KCNQ1: variants seen among roughly 807,000 people sequenced by gnomAD.
KCNQ1 encodes potassium voltage-gated channel subfamily KQT member 1.
KCNQ1 carries 49 observed loss-of-function variants against 72.4 expected under a neutral mutation model. That is an observed-to-expected ratio of 0.68 (90% CI 0.54 to 0.86). The LOEUF (loss-of-function observed/expected upper bound fraction) is 0.86. Among genes scored for constraint, KCNQ1 ranks in the 40% least tolerant of loss-of-function variants. The pLI is 0.00. For missense variants in KCNQ1, 790 were observed against 945.1 expected (o/e 0.84, Z 2.15); for synonymous variants, 450 against 412.6 (o/e 1.09, Z -1.10).
At chr11:2,667,579 G>A (rs1262826789) in intron 11 of KCNQ1, 5 of 395,032 alleles carry the variant, frequency 1.3e-5, no homozygotes, top group African/African-American at 2.1e-5. Context: ...GGGGCAGGGG[G>A]TCGGGGCGGG....
intron 11 of KCNQ1, chr11:2,693,240 G>A (rs1416149138): frequency 7.5e-6 from 3 of 398,750 alleles, no homozygotes; most frequent in Non-Finnish European, 1.3e-5. Context: ...ATAGCCCAGG[G>A]CTACCTGTAC....
rs2133706601 is a variant in KCNQ1, at chr11:2,559,840, C to T, written c.478-10788C>T. Among the ~76,000 whole-genome samples, 1 of 152,044 alleles carries T rather than the reference C, an allele frequency of 6.6e-6. No homozygotes were observed. The highest frequency in any genetic ancestry group is 1.5e-5 in the Non-Finnish European group (1 of 67,994). On this transcript the variant is annotated intron_variant, in intron 2 of 15. Transcript: ENST00000155840. The surrounding 1 kb of genome is among the most constrained non-coding windows in gnomAD (Gnocchi z 4.9). Reference sequence around the variant, plus strand: ...CTGCTGCCTGCTTCCTGGGCAGGGGCTCCTTCCTCCCTCTCTGTCTCTGGG... The same window carrying T: ...CTGCTGCCTGCTTCCTGGGCAGGGGTTCCTTCCTCCCTCTCTGTCTCTGGG...
In KCNQ1 at chr11:2,450,185, G is replaced by A. The variant is rs1047917018; in HGVS notation, c.386+4701G>A. The stretch of plus-strand genomic sequence containing the variant: ...TGCTGTGATTCAAGACTCTGTCCAC[G>A]GGCAAGAACAACAAGGCTGGGACAA... On this transcript the variant is annotated intron_variant, in intron 1 of 15. Coordinates refer to ENST00000155840, the MANE Select transcript of KCNQ1 (RefSeq NM_000218.3). The surrounding 1 kb of genome is among the most constrained non-coding windows in gnomAD (Gnocchi z 7.9). Among the ~76,000 whole-genome samples the A allele has an allele frequency of 2.0e-5, 3 of 152,304 alleles. No homozygotes were observed. The highest frequency in any genetic ancestry group is 2.9e-5 in the Non-Finnish European group (2 of 68,020).
At chr11:2,796,533 C>T (rs909050274) in intron 15 of KCNQ1, among the ~76,000 whole-genome samples, 1 of 152,308 alleles carries the variant, frequency 6.6e-6, no homozygotes, top group East Asian at 1.9e-4. Context: ...AAGTAGTCCT[C>T]ATTTCCTCAC....
rs1200376930 is a variant in KCNQ1 at position 2,445,509 on chromosome 11, C to A, written c.386+25C>A. 1.9e-6 allele frequency: 3 copies of A among 1,587,072 alleles called. No homozygotes were observed. In the South Asian group the frequency reaches 3.4e-5, roughly 18 times the overall value. ...TGTGAGTATCGCCACCGGCGACGGC[C>A]GGCACGAAGGTGCTTCCTGAGAGCT... On this transcript the variant is annotated intron_variant, in intron 1 of 15. Transcript: ENST00000155840.
chr11:2,584,774 A>T (rs1285606760), intron 7 of KCNQ1, among the ~76,000 whole-genome samples: 1 of 151,314 alleles, frequency 6.6e-6, no homozygotes, highest in African/African-American at 2.5e-5. Flanking sequence ...CTCTGTAGAC[A>T]CGGAGTTCCC....
At chr11:2,586,634 G>A (rs1374051254) in intron 8 of KCNQ1, among the ~76,000 whole-genome samples, 1 of 152,182 alleles carries the variant, frequency 6.6e-6, no homozygotes. Flanking sequence ...GGGGGACCAC[G>A]TGGAGTGCTC....
In KCNQ1 at chr11:2,549,141, G is replaced by T. The variant is rs1246512120; in HGVS notation, c.477+21123G>T. Among the ~76,000 whole-genome samples the T allele has an allele frequency of 6.6e-6, 1 of 152,184 alleles. No homozygotes were observed. The highest frequency in any genetic ancestry group is 1.5e-5 in the Non-Finnish European group (1 of 68,028). On this transcript the variant is annotated intron_variant, in intron 2 of 15. Transcript: ENST00000155840. The surrounding 1 kb of genome is among the most constrained non-coding windows in gnomAD (Gnocchi z 6.2). ...GGCAGGCTGAGATCTGAGAAGCCAG[G>T]CTAGGGGGTTGTGGAGCAAATGATG...
intron 10 of KCNQ1, among the ~76,000 whole-genome samples, chr11:2,606,140 A>G (rs1848874947): frequency 6.6e-6 from 1 of 152,184 alleles, no homozygotes; most frequent in Admixed American, 6.5e-5. Context: ...GATGTTATAC[A>G]TGGAATTGTT....
intron 11 of KCNQ1, chr11:2,697,340 A>G (rs931900530): frequency 2.5e-6 from 1 of 398,514 alleles, no homozygotes; most frequent in African/African-American, 2.1e-5. Context: ...TATGAGCTAC[A>G]CTAAGTTTTA....
Position 2,668,800 on chromosome 11 carries a change from T to C in KCNQ1, c.1514+6719T>C. ...CTTTTGATGAACAGAAGGTCTTAAT[T>C]TTCATGTGGTCCAGTTAATCAAACA... On this transcript the variant is annotated intron_variant, in intron 11 of 15. Transcript: ENST00000155840. The surrounding 1 kb of genome is among the most constrained non-coding windows in gnomAD (Gnocchi z 4.3). 2.5e-6 allele frequency: 1 copy of C among 398,612 alleles called. No individual in the cohort carries two copies. The allele number at this position is 398,612 out of a possible 1,614,324, so 24.7% of individuals were successfully genotyped here.
chr11:2,840,390 C>T (rs1848182718), intron 15 of KCNQ1: 2 of 152,158 alleles, frequency 1.3e-5, no homozygotes, highest in Admixed American at 6.6e-5. Flanking sequence ...CATTCTAATC[C>T]AGTGGGGAAA....
At chr11:2,533,336 C>T (rs1847673133) in intron 2 of KCNQ1, among the ~76,000 whole-genome samples, 1 of 152,198 alleles carries the variant, frequency 6.6e-6, no homozygotes, top group Non-Finnish European at 1.5e-5. Context: ...GGGGTCCGGC[C>T]GGCACCGTGA....
intron 15 of KCNQ1, among the ~76,000 whole-genome samples, chr11:2,778,472 G>A (rs1471545886): frequency 6.6e-6 from 1 of 152,172 alleles, no homozygotes; most frequent in Non-Finnish European, 1.5e-5. Context: ...AGGGCTCAGG[G>A]AGGTGCAGGG....
At chr11:2,719,496 C>CA (rs1328539438) in intron 11 of KCNQ1, among the ~76,000 whole-genome samples, 51 of 147,544 alleles carry the variant, frequency 3.5e-4, no homozygotes, top group Admixed American at 1.3e-3. Context: ...AACAAACAAA[C>CA]AAACAAAAAA....
intron 15 of KCNQ1, among the ~76,000 whole-genome samples, chr11:2,805,261 G>A (rs1847348804): frequency 6.6e-6 from 1 of 152,310 alleles, no homozygotes; most frequent in East Asian, 1.9e-4. Flanking sequence ...CCTGGCTGGG[G>A]AGAGCAAAGG....
At chr11:2,799,468 TTGTA>T (rs949120939) in intron 15 of KCNQ1, among the ~76,000 whole-genome samples, 2 of 150,812 alleles carry the variant, frequency 1.3e-5, no homozygotes, top group South Asian at 2.1e-4. Context: ...TGTGGTGTGT[TTGTA>T]TGTGAGGGCA....
Position 2,626,370 on chromosome 11 carries a change from T to C in KCNQ1, c.1394-35591T>C, listed in dbSNP as rs1012754859. On this transcript the variant is annotated intron_variant, in intron 10 of 15. Transcript: ENST00000155840. The surrounding 1 kb of genome is among the most constrained non-coding windows in gnomAD (Gnocchi z 4.0). Reference sequence around the variant, plus strand: ...TTATCCTGGCACCATTTGTTGAAAATACAGCACTTTCCCTATTGAATGGTC... The same window carrying C: ...TTATCCTGGCACCATTTGTTGAAAACACAGCACTTTCCCTATTGAATGGTC... 1.5e-5 allele frequency: 6 copies of C among 398,492 alleles called. No homozygotes were observed. Among genetic ancestry groups the C allele is most frequent in the African/African-American group, 1.2e-4 (6 of 48,622 alleles). The allele number at this position is 398,492 out of a possible 1,614,324, so 24.7% of individuals were successfully genotyped here. A position where few individuals can be genotyped will look rare whatever the true frequency, so the allele number is the denominator to read the frequency against.
At chr11:2,470,994 A>G (rs1441751346) in intron 1 of KCNQ1, among the ~76,000 whole-genome samples, 1 of 151,800 alleles carries the variant, frequency 6.6e-6, no homozygotes, top group East Asian at 1.9e-4. Context: ...ATTCCTTTTG[A>G]GTTAATGTCT....
Sources: allele counts gnomAD v4.1 joint callset (sites outside exome capture counted in the v4.1 genomes callset), GRCh38; gene constraint gnomAD v4.1.1; non-coding constraint Gnocchi (gnomAD v3.1); transcripts MANE v1.5; gene names NCBI Gene and HGNC (gene_info 2026-07-23, HGNC 2026-07-21).